The following RNF180 variants were observed in gnomAD, a reference collection of about 807,000 sequenced individuals.
The protein encoded by RNF180 is E3 ubiquitin-protein ligase RNF180.
Under a neutral mutation model 59.2 loss-of-function variants are expected in RNF180, and 38 were observed. That is an observed-to-expected ratio of 0.64 (90% CI 0.50 to 0.84). RNF180 has a LOEUF of 0.84. Ranked by LOEUF, RNF180 falls within the 40% of genes least tolerant of loss-of-function variation. The pLI is 0.00. For missense variants in RNF180, 705 were observed against 700.9 expected, an observed-to-expected ratio of 1.01 and a Z score of -0.07; for synonymous variants, 262 against 240.3, an observed-to-expected ratio of 1.09 and a Z score of -0.84.
At chr5:64,338,146 C>T (rs188586478) in intron 7 of RNF180, among the ~76,000 whole-genome samples, 130 of 152,152 alleles carry the variant, frequency 8.5e-4, no homozygotes, top group African/African-American at 2.9e-3. Context: ...AACAACCTTA[C>T]GAAATTGTCT....
chr5:64,201,359 G>A (rs1751736230), intron 2 of RNF180, among the ~76,000 whole-genome samples: 1 of 152,136 alleles, frequency 6.6e-6, no homozygotes, highest in African/African-American at 2.4e-5. Flanking sequence ...AGAAAAGAAA[G>A]TTTATGTGTT....
intron 7 of RNF180, among the ~76,000 whole-genome samples, chr5:64,367,435 T>C (rs962325536): frequency 6.6e-6 from 1 of 151,654 alleles, no homozygotes; most frequent in African/African-American, 2.4e-5. Context: ...TCAGATATGA[T>C]AGAAAGTCAG....
At chr5:64,256,334 A>T (rs920402256) in intron 5 of RNF180, among the ~76,000 whole-genome samples, 2 of 152,002 alleles carry the variant, frequency 1.3e-5, no homozygotes, top group African/African-American at 2.4e-5. Flanking sequence ...ATGGTTTTAG[A>T]TCTAACATTT....
chr5:64,176,641 A>G (rs1750253495), intron 1 of RNF180, among the ~76,000 whole-genome samples: 1 of 152,180 alleles, frequency 6.6e-6, no homozygotes, highest in Non-Finnish European at 1.5e-5. Flanking sequence ...ATTTTTCCAT[A>G]GCAAGCAGAA....
chr5:64,169,200 G>A (rs1446639222), intron 1 of RNF180, among the ~76,000 whole-genome samples: 2 of 152,090 alleles, frequency 1.3e-5, no homozygotes, highest in African/African-American at 4.8e-5. Context: ...TGATCTCTTC[G>A]GGCCTAGTGG....
chr5:64,335,198 ATT>A (rs901363927), intron 7 of RNF180, among the ~76,000 whole-genome samples: 23 of 151,666 alleles, frequency 1.5e-4, no homozygotes, highest in African/African-American at 5.6e-4. Context: ...TGTTGGTTGT[ATT>A]TTTTTGTTGT....
At chr5:64,215,434 A>G (rs1161681203) in intron 4 of RNF180, among the ~76,000 whole-genome samples, 2 of 152,302 alleles carry the variant, frequency 1.3e-5, no homozygotes, top group Middle Eastern at 3.4e-3. Flanking sequence ...AATGAAATAA[A>G]ACTACTGCAT....
chr5:64,290,274 C>G (rs561824248), intron 5 of RNF180, among the ~76,000 whole-genome samples: 113 of 152,284 alleles, frequency 7.4e-4, no homozygotes, highest in South Asian at 3.5e-3. Flanking sequence ...TTTGCATTTG[C>G]TGAGGAGTGT....
At chr5:64,167,534 A>G (rs1369569467) in intron 1 of RNF180, among the ~76,000 whole-genome samples, 4 of 152,188 alleles carry the variant, frequency 2.6e-5, no homozygotes, top group Non-Finnish European at 5.9e-5. Context: ...CTTAATTAGC[A>G]CTTTTTTGAG....
Position 64,214,120 on chromosome 5 carries a change from A to T in RNF180, c.794A>T (p.Asp265Val). 1 of 1,614,048 alleles carries T rather than the reference A, an allele frequency of 6.2e-7. No individual in the cohort carries two copies. The highest frequency in any genetic ancestry group is 8.5e-7 in the Non-Finnish European group (1 of 1,179,974). Residue 265 changes from aspartate (D) to valine (V), a missense_variant, in exon 4 of 8, where the codon GAC becomes GTC. Transcript: ENST00000389100. ...YSRLNETQPI[D>V]LSGLPLQSSK... ...AGACTAAATGAAACACAGCCTATTG[A>T]CCTTTCAGGCTTGCCTTTACAATCT... is the stretch of plus-strand genomic sequence containing the variant.
At chr5:64,322,972 C>T (rs1483720185) in intron 5 of RNF180, among the ~76,000 whole-genome samples, 1 of 151,784 alleles carries the variant, frequency 6.6e-6, no homozygotes, top group African/African-American at 2.4e-5. Flanking sequence ...CCCCCAAAAC[C>T]TATGAAAATA....
At chr5:64,176,052 A>G (rs1042227946) in intron 1 of RNF180, among the ~76,000 whole-genome samples, 1 of 152,182 alleles carries the variant, frequency 6.6e-6, no homozygotes, top group African/African-American at 2.4e-5. Flanking sequence ...AAGAACTGGT[A>G]TTAGTCTTGA....
At chr5:64,323,269 GGT>G (rs1181272734) in intron 5 of RNF180, among the ~76,000 whole-genome samples, 1 of 152,074 alleles carries the variant, frequency 6.6e-6, no homozygotes, top group Non-Finnish European at 1.5e-5. Context: ...GGCTGGGTGT[GGT>G]GTCTCACAGC....
intron 7 of RNF180, among the ~76,000 whole-genome samples, chr5:64,344,130 AT>A (rs1580284469): frequency 6.6e-6 from 1 of 152,076 alleles, no homozygotes; most frequent in Non-Finnish European, 1.5e-5. Context: ...AAATGTAAAC[AT>A]TAAAAATTCA....
intron 5 of RNF180, among the ~76,000 whole-genome samples, chr5:64,269,335 C>G (rs1419584584): frequency 2.0e-5 from 3 of 152,022 alleles, no homozygotes; most frequent in African/African-American, 4.8e-5. Flanking sequence ...ACTCCTGGGC[C>G]CACGCAATCT....
At chr5:64,294,972 T>A (rs1184033859) in intron 5 of RNF180, among the ~76,000 whole-genome samples, 2 of 152,206 alleles carry the variant, frequency 1.3e-5, no homozygotes, top group Admixed American at 1.3e-4. Context: ...ACTATTCTGA[T>A]TTTTTAATCA....
At chr5:64,300,473 A>G (rs1281316279) in intron 5 of RNF180, among the ~76,000 whole-genome samples, 2 of 151,810 alleles carry the variant, frequency 1.3e-5, no homozygotes, top group Non-Finnish European at 2.9e-5. Flanking sequence ...GTTAACTGGC[A>G]TATTTATTTC....
At chr5:64,369,101 A>C (rs952639305) in intron 7 of RNF180, among the ~76,000 whole-genome samples, 75 of 152,192 alleles carry the variant, frequency 4.9e-4, no homozygotes, top group Admixed American at 1.3e-3. Context: ...AAAATGTGGC[A>C]CATATACACC....
chr5:64,262,239 T>C (rs1461888610), intron 5 of RNF180, among the ~76,000 whole-genome samples: 1 of 152,180 alleles, frequency 6.6e-6, no homozygotes, highest in East Asian at 1.9e-4. Context: ...ATATAAATCT[T>C]GAATTATCCA....
Sources: allele counts gnomAD v4.1 joint callset (sites outside exome capture counted in the v4.1 genomes callset), GRCh38; gene constraint gnomAD v4.1.1; transcripts MANE v1.5; gene names NCBI Gene and HGNC (gene_info 2026-07-23, HGNC 2026-07-21).